Variants in NCR2 observed in about 807,000 individuals in gnomAD.
The protein encoded by NCR2 is natural cytotoxicity triggering receptor 2, also known as NK cell activating receptor (NKp44).
In NCR2, 35 loss-of-function variants were observed where a neutral mutation model predicts 30.7. The observed-to-expected ratio is 1.14, with a 90% CI of 0.87 to 1.51. The LOEUF is 1.51. NCR2 is among the 40% of genes most tolerant of loss of function. The probability of loss-of-function intolerance (pLI) is 0.00; values close to 1 mark genes in which losing one functional copy is unlikely to be tolerated. For missense variants in NCR2, 316 were observed against 328.9 expected, an observed-to-expected ratio of 0.96 and a Z score of 0.30; for synonymous variants, 146 against 134.8, an observed-to-expected ratio of 1.08 and a Z score of -0.58.
chr6:41,337,373 T>C (rs1262152850), intron 2 of NCR2, among the ~76,000 whole-genome samples: 1 of 152,244 alleles, frequency 6.6e-6, no homozygotes, highest in Non-Finnish European at 1.5e-5. Flanking sequence ...GTGATTGATG[T>C]AGTGGCTTAA....
chr6:41,349,905 T>G (rs570815484), intron 4 of NCR2, among the ~76,000 whole-genome samples: 4 of 152,302 alleles, frequency 2.6e-5, no homozygotes, highest in Non-Finnish European at 4.4e-5. Context: ...TCATGTTGAA[T>G]AATCCTGCCT....
intron 4 of NCR2, among the ~76,000 whole-genome samples, chr6:41,345,341 C>T (rs573730512): frequency 2.0e-5 from 3 of 152,296 alleles, no homozygotes; most frequent in Admixed American, 6.5e-5. Flanking sequence ...TCCCCCACTC[C>T]CACCAGCTCT....
At chr6:41,346,430 T>C (rs1769301445) in intron 4 of NCR2, among the ~76,000 whole-genome samples, 1 of 152,088 alleles carries the variant, frequency 6.6e-6, no homozygotes, top group African/African-American at 2.4e-5. Context: ...CCATGATCCA[T>C]TGATCCTGCC....
Position 41,344,175 on chromosome 6 carries a change from T to C in NCR2, c.644+2026T>C, listed in dbSNP as rs1581663912. Among the ~76,000 whole-genome samples the C allele has an allele frequency of 3.9e-5, 6 of 152,320 alleles. 1 individual carries two copies. In the South Asian group the frequency reaches 1.2e-3, roughly 32 times the overall value. On this transcript the variant is annotated intron_variant, in intron 4 of 4. Transcript: ENST00000373089. The stretch of plus-strand genomic sequence containing the variant: ...TCTGTGCATTTCTGCCACCCAGGAA[T>C]TGAAGTCCAGTGTCGTTACTGGGGT...
chr6:41,336,624 C>T (rs1384759733), intron 2 of NCR2, among the ~76,000 whole-genome samples, 196 bp downstream of exon 2: 2 of 152,172 alleles, frequency 1.3e-5, no homozygotes, highest in Admixed American at 1.3e-4. Context: ...ACTCCCAAGC[C>T]TGCAGCCTGG....
intron 4 of NCR2, among the ~76,000 whole-genome samples, chr6:41,347,341 T>A (rs1225774811): frequency 6.6e-6 from 1 of 152,168 alleles, no homozygotes. Context: ...CCTACAGCCC[T>A]CCAGCTACTG....
intron 2 of NCR2, among the ~76,000 whole-genome samples, chr6:41,337,180 G>A (rs1769053456): frequency 6.6e-6 from 1 of 151,934 alleles, no homozygotes; most frequent in Non-Finnish European, 1.5e-5. Context: ...AATTTTTTTT[G>A]TAAAATACAG....
At chr6:41,337,351 G>A (rs570011518) in intron 2 of NCR2, among the ~76,000 whole-genome samples, 1 of 152,176 alleles carries the variant, frequency 6.6e-6, no homozygotes, top group African/African-American at 2.4e-5. Context: ...TCATTTGAAA[G>A]TGTGCCTAAA....
At chr6:41,347,425 C>T (rs1197086111) in intron 4 of NCR2, among the ~76,000 whole-genome samples, 1 of 152,220 alleles carries the variant, frequency 6.6e-6, no homozygotes, top group Non-Finnish European at 1.5e-5. Flanking sequence ...CCAAAATTCT[C>T]TTTTCTTCTC....
At chr6:41,340,458 G>C (rs560733340) in intron 2 of NCR2, among the ~76,000 whole-genome samples, 1 of 152,272 alleles carries the variant, frequency 6.6e-6, no homozygotes, top group African/African-American at 2.4e-5. Flanking sequence ...CACCACGCCT[G>C]GCCGCTAACA....
At chr6:41,346,611 G>C (rs992108100) in intron 4 of NCR2, among the ~76,000 whole-genome samples, 2 of 152,148 alleles carry the variant, frequency 1.3e-5, no homozygotes, top group African/African-American at 2.4e-5. Context: ...TGCTTACTCT[G>C]TGCCTGTGTC....
At position 41,335,842 on chromosome 6, in the gene NCR2, T is replaced by C. The variant is rs1011841366; in HGVS notation, c.-35T>C. The C allele has an allele frequency of 3.2e-6, 5 of 1,554,148 alleles. No individual in the cohort carries two copies. Among genetic ancestry groups the C allele is most frequent in the Non-Finnish European group, 4.4e-6 (5 of 1,147,506 alleles). On this transcript the variant is annotated 5_prime_UTR_variant, in exon 1 of 5. Transcript: ENST00000373089. ...TTCCCTCTCCCCAGTCTTCTCCAGG[T>C]GTCCCCTCCCATGAGCGCACAGGAA...
rs776619895 is a variant in NCR2 at position 41,350,753 on chromosome 6, G to C, written c.720G>C (p.Gln240His). ...AAAAAGCCACCTGCCACCTTCAACA[G>C]GTCACGGACCTTCCCTGGACCTCAG... ...DTQKATCHLQQVTDLPWTSVS... is the reference protein window; with the variant it reads ...DTQKATCHLQHVTDLPWTSVS... The change falls in exon 5 of 5, where the codon CAG (glutamine) becomes CAC (histidine). Residue 240 changes from glutamine (Q) to histidine (H), a missense_variant. Physicochemically the swap from Gln to His is conservative, Grantham distance 24. Coordinates refer to ENST00000373089, the MANE Select transcript of NCR2 (RefSeq NM_004828.4). The C allele has an allele frequency of 1.2e-6, 2 of 1,611,816 alleles. No homozygotes were observed. The highest frequency in any genetic ancestry group is 1.7e-6 in the Non-Finnish European group (2 of 1,177,918).
intron 2 of NCR2, among the ~76,000 whole-genome samples, chr6:41,340,354 G>T (rs1027831824): frequency 1.3e-5 from 2 of 151,830 alleles, no homozygotes; most frequent in African/African-American, 4.8e-5. Flanking sequence ...TAGAGACGTG[G>T]TCTCACCATG....
chr6:41,339,375 T>TTTG (rs561659991), intron 2 of NCR2, among the ~76,000 whole-genome samples: 25 of 150,732 alleles, frequency 1.7e-4, no homozygotes, highest in Non-Finnish European at 2.5e-4. Flanking sequence ...GCCACTTGTT[T>TTTG]TTGTTGTTGT....
At chr6:41,338,244 C>T (rs1307641800) in intron 2 of NCR2, among the ~76,000 whole-genome samples, 1 of 152,164 alleles carries the variant, frequency 6.6e-6, no homozygotes, top group African/African-American at 2.4e-5. Flanking sequence ...ACATGCTCAA[C>T]AAAACTTTAA....
chr6:41,343,596 C>T (rs1769228876), intron 4 of NCR2, among the ~76,000 whole-genome samples: 1 of 152,216 alleles, frequency 6.6e-6, no homozygotes, highest in African/African-American at 2.4e-5. Context: ...GTTTAGAGAA[C>T]TCTGCTCTGC....
Position 41,341,722 on chromosome 6 carries a change from T to A in NCR2, c.395-72T>A. 5 of 1,529,708 alleles carry A rather than the reference T, an allele frequency of 3.3e-6. No homozygotes were observed. In the South Asian group the frequency reaches 6.1e-5, roughly 19 times the overall value. The allele number at this position is 1,529,708 out of a possible 1,614,324, so 94.8% of individuals were successfully genotyped here. A position where few individuals can be genotyped will look rare whatever the true frequency, so the allele number is the denominator to read the frequency against. The stretch of plus-strand genomic sequence containing the variant: ...TTCCCAGTCTGGTCCAACTCCCCCA[T>A]CCAGCTCTCCTGCCGGCAGGCACAA... On this transcript the variant is annotated intron_variant, in intron 2 of 4. Transcript: ENST00000373089.
At chr6:41,346,177 C>T (rs538370987) in intron 4 of NCR2, among the ~76,000 whole-genome samples, 1 of 152,258 alleles carries the variant, frequency 6.6e-6, no homozygotes, top group East Asian at 1.9e-4. Flanking sequence ...TCTGACTGCT[C>T]CCGCCATAAT....
Sources: allele counts gnomAD v4.1 joint callset (sites outside exome capture counted in the v4.1 genomes callset), GRCh38; gene constraint gnomAD v4.1.1; transcripts MANE v1.5; gene names NCBI Gene and HGNC (gene_info 2026-07-23, HGNC 2026-07-21).